Variants in NR6A1 observed in about 807,000 individuals in gnomAD.
NR6A1 encodes nuclear receptor subfamily 6 group A member 1.
Under a neutral mutation model 59.1 loss-of-function variants are expected in NR6A1, and 7 were observed. That is an observed-to-expected ratio of 0.12 (90% CI 0.07 to 0.22). The LOEUF (loss-of-function observed/expected upper bound fraction) is 0.22, where lower values mean the gene tolerates loss of function less well. Among genes scored for constraint, NR6A1 ranks in the 10% least tolerant of loss-of-function variants. The pLI is 1.00. For synonymous variants in NR6A1, 243 were observed against 236.1 expected (o/e 1.03, Z -0.27); for missense variants, 468 against 611.6 (o/e 0.77, Z 2.48).
rs141418134 is a variant in NR6A1, at chr9:124,563,732, A to T, written c.143-9162T>A. Among the ~76,000 whole-genome samples the T allele has an allele frequency of 3.3e-5, 5 of 152,338 alleles. No individual in the cohort carries two copies. The East Asian group carries it at 9.6e-4, about 29-fold the overall frequency. On this transcript the variant is annotated intron_variant, in intron 2 of 9. Coordinates refer to ENST00000487099, the MANE Select transcript of NR6A1 (RefSeq NM_033334.4). ...TATGAAAGTGATATGTATTCAGTAG[A>T]AACAGTACTTCCAATTTTGAATTTT...
chr9:124,752,721 C>T (rs913839713), intron 1 of NR6A1, among the ~76,000 whole-genome samples: 7 of 151,722 alleles, frequency 4.6e-5, no homozygotes, highest in Non-Finnish European at 1.0e-4. Flanking sequence ...TATTTTACAC[C>T]CAACTTCTGA....
At chr9:124,623,618 A>G (rs1179231978) in intron 2 of NR6A1, among the ~76,000 whole-genome samples, 1 of 151,654 alleles carries the variant, frequency 6.6e-6, no homozygotes, top group Non-Finnish European at 1.5e-5. Flanking sequence ...GGCCTCCCAA[A>G]GTGCTGGGAT....
At chr9:124,636,750 C>T (rs1300457959) in intron 2 of NR6A1, among the ~76,000 whole-genome samples, 1 of 152,146 alleles carries the variant, frequency 6.6e-6, no homozygotes, top group African/African-American at 2.4e-5. Context: ...TAATTCTAGG[C>T]TGTCTATTCG....
chr9:124,691,090 A>G (rs1050148547), intron 2 of NR6A1, among the ~76,000 whole-genome samples: 1 of 152,150 alleles, frequency 6.6e-6, no homozygotes, highest in Non-Finnish European at 1.5e-5. Flanking sequence ...ACATCGCTTT[A>G]TATTATTGGA....
At chr9:124,543,880 A>G in intron 3 of NR6A1, 23 bp from the exon 4 acceptor site, 2 of 1,610,780 alleles carry the variant, frequency 1.2e-6, no homozygotes, top group Non-Finnish European at 1.7e-6. Flanking sequence ...ATAAGTCAAG[A>G]AAGGCAGTCA....
intron 2 of NR6A1, among the ~76,000 whole-genome samples, chr9:124,724,669 T>C (rs920004305): frequency 2.6e-5 from 4 of 152,346 alleles, no homozygotes; most frequent in Non-Finnish European, 1.5e-5. Flanking sequence ...CTTCATTATA[T>C]GTAAGCCAAA....
chr9:124,731,756 C>T (rs568286269), intron 2 of NR6A1, among the ~76,000 whole-genome samples: 1 of 152,236 alleles, frequency 6.6e-6, no homozygotes, highest in Non-Finnish European at 1.5e-5. Flanking sequence ...CTCTAGTGTA[C>T]TTTATTGTAA....
chr9:124,757,170 T>C (rs1840656500), intron 1 of NR6A1, among the ~76,000 whole-genome samples: 1 of 151,964 alleles, frequency 6.6e-6, no homozygotes, highest in Admixed American at 6.6e-5. Context: ...TAAATTAAAG[T>C]AGTTGTTGGT....
chr9:124,588,681 A>T (rs1253641738), intron 2 of NR6A1, among the ~76,000 whole-genome samples: 7 of 145,164 alleles, frequency 4.8e-5, no homozygotes, highest in East Asian at 4.5e-4. Context: ...GCACTTTGGG[A>T]GGCCGAAGCA....
intron 7 of NR6A1, among the ~76,000 whole-genome samples, chr9:124,528,999 A>C (rs1427341573): frequency 6.6e-6 from 1 of 152,204 alleles, no homozygotes; most frequent in Non-Finnish European, 1.5e-5. Context: ...CGGATACTGG[A>C]GATGACTGCA....
intron 1 of NR6A1, among the ~76,000 whole-genome samples, chr9:124,761,583 T>C (rs980929913): frequency 3.3e-5 from 5 of 152,184 alleles, no homozygotes; most frequent in African/African-American, 1.2e-4. Context: ...CAGACTTTAT[T>C]ACCATCTCAG....
chr9:124,752,184 G>A (rs907871956), intron 1 of NR6A1, among the ~76,000 whole-genome samples: 1 of 152,184 alleles, frequency 6.6e-6, no homozygotes, highest in African/African-American at 2.4e-5. Context: ...CATGAGAATG[G>A]CTTAAACCCA....
intron 2 of NR6A1, among the ~76,000 whole-genome samples, chr9:124,585,356 C>T (rs200186617): frequency 2.0e-5 from 3 of 151,954 alleles, no homozygotes; most frequent in Non-Finnish European, 2.9e-5. Context: ...CTGGCTAACA[C>T]GGTGAAACCC....
chr9:124,566,925 G>A (rs1435878337), intron 2 of NR6A1, among the ~76,000 whole-genome samples: 1 of 152,028 alleles, frequency 6.6e-6, no homozygotes, highest in Non-Finnish European at 1.5e-5. Context: ...CGGCTAAAAC[G>A]GTGAAACCCC....
chr9:124,625,567 A>G (rs1836213625), intron 2 of NR6A1, among the ~76,000 whole-genome samples: 1 of 152,144 alleles, frequency 6.6e-6, no homozygotes, highest in South Asian at 2.1e-4. Context: ...ATGATGACCA[A>G]TATTGCAAGG....
intron 2 of NR6A1, among the ~76,000 whole-genome samples, chr9:124,661,231 C>G (rs1462228526): frequency 2.0e-5 from 3 of 152,158 alleles, no homozygotes; most frequent in Non-Finnish European, 4.4e-5. Context: ...CTGGCTAAAT[C>G]AGAAATTGCC....
intron 2 of NR6A1, among the ~76,000 whole-genome samples, chr9:124,583,063 C>T (rs937348657): frequency 2.0e-5 from 3 of 152,096 alleles, no homozygotes. Context: ...CATTATAATG[C>T]TTTGGCCATT....
intron 3 of NR6A1, among the ~76,000 whole-genome samples, chr9:124,549,786 T>TA (rs1362099709): frequency 6.6e-6 from 1 of 152,214 alleles, no homozygotes; most frequent in Non-Finnish European, 1.5e-5. Flanking sequence ...ACAATGGACA[T>TA]AATCATGTCT....
At chr9:124,637,483 T>G (rs1354068242) in intron 2 of NR6A1, among the ~76,000 whole-genome samples, 3 of 152,292 alleles carry the variant, frequency 2.0e-5, no homozygotes, top group African/African-American at 4.8e-5. Flanking sequence ...CTCAAAACTC[T>G]GCCATATAGG....
Sources: allele counts gnomAD v4.1 joint callset (sites outside exome capture counted in the v4.1 genomes callset), GRCh38; gene constraint gnomAD v4.1.1; transcripts MANE v1.5; gene names NCBI Gene and HGNC (gene_info 2026-07-23, HGNC 2026-07-21).